The following FAM13A variants were observed in gnomAD, a reference collection of about 807,000 sequenced individuals.
The protein encoded by FAM13A is protein FAM13A.
FAM13A carries 76 observed loss-of-function variants against 129.6 expected under a neutral mutation model. The ratio of observed to expected loss-of-function variants is 0.59; its 90% CI spans 0.49 to 0.71. The LOEUF (loss-of-function observed/expected upper bound fraction) is 0.71. Ranked by LOEUF, FAM13A falls within the 30% of genes least tolerant of loss-of-function variation. The pLI is 0.00. For synonymous variants in FAM13A, 443 were observed against 449.9 expected (o/e 0.98, Z 0.20); for missense variants, 1,108 against 1,249.3 (o/e 0.89, Z 1.70).
chr4:88,868,638 A>C (rs1195355123), intron 6 of FAM13A, among the ~76,000 whole-genome samples: 1 of 152,098 alleles, frequency 6.6e-6, no homozygotes, highest in East Asian at 1.9e-4. Context: ...CCGCAGGTTC[A>C]TTGCCTGCTG....
chr4:88,828,340 G>A (rs1227561926), intron 7 of FAM13A, among the ~76,000 whole-genome samples: 1 of 152,006 alleles, frequency 6.6e-6, no homozygotes, highest in Non-Finnish European at 1.5e-5. Flanking sequence ...TTCTTACTAT[G>A]TTGCCCAGGC....
At chr4:89,037,051 G>A (rs1474024869) in intron 1 of FAM13A, among the ~76,000 whole-genome samples, 1 of 152,204 alleles carries the variant, frequency 6.6e-6, no homozygotes, top group East Asian at 1.9e-4. Flanking sequence ...TGAGATTGGA[G>A]CCCCCATACA....
intron 6 of FAM13A, among the ~76,000 whole-genome samples, chr4:88,876,623 G>A (rs927209521): frequency 9.2e-5 from 14 of 151,362 alleles, no homozygotes; most frequent in Admixed American, 1.3e-4. Flanking sequence ...ACAGAGTCTC[G>A]CTCTGTCGCC....
intron 3 of FAM13A, 42 bp downstream of exon 3, chr4:89,020,418 A>G: frequency 6.9e-7 from 1 of 1,455,236 alleles, no homozygotes; most frequent in Non-Finnish European, 9.6e-7. Flanking sequence ...TGCCCAGCCT[A>G]GTAAAGTTGT....
At chr4:88,797,647 G>A (rs920471071) in intron 8 of FAM13A, among the ~76,000 whole-genome samples, 5 of 152,122 alleles carry the variant, frequency 3.3e-5, no homozygotes, top group Non-Finnish European at 7.4e-5. Context: ...GTATTTGACT[G>A]ATTTTTAATC....
Position 88,844,124 on chromosome 4 carries a change from G to A in FAM13A, c.1007+6896C>T, listed in dbSNP as rs146243308. ...GTAACAATATCACAATAGCAACTACGGCAGCAGCAACTGAGTACATGCCCC... is the reference window on the plus strand; with the variant it reads ...GTAACAATATCACAATAGCAACTACAGCAGCAGCAACTGAGTACATGCCCC... On this transcript the variant is annotated intron_variant, in intron 7 of 23. Transcript: ENST00000264344. 9.2e-5 allele frequency among the ~76,000 whole-genome samples: 14 copies of A among 152,248 alleles called. No homozygotes were observed. In the East Asian group the frequency reaches 2.7e-3, roughly 29 times the overall value.
chr4:89,007,839 T>C (rs1439738324), intron 3 of FAM13A, among the ~76,000 whole-genome samples: 3 of 152,228 alleles, frequency 2.0e-5, no homozygotes, highest in Non-Finnish European at 4.4e-5. Context: ...GAGCTGGTGC[T>C]AAGATTAAAA....
intron 5 of FAM13A, among the ~76,000 whole-genome samples, chr4:88,909,498 T>A (rs547873974): frequency 7.9e-5 from 12 of 152,046 alleles, no homozygotes; most frequent in Middle Eastern, 3.4e-3. Flanking sequence ...TTTTTATTTT[T>A]TTTTTTTGAG....
intron 15 of FAM13A, 49 bp downstream of exon 15, chr4:88,750,375 A>C (rs761365939): frequency 1.4e-6 from 2 of 1,437,408 alleles, no homozygotes; most frequent in Non-Finnish European, 2.0e-6. Context: ...CTCTTTTCTG[A>C]TGTTGTGGGG....
At chr4:88,798,869 T>C (rs1003321397) in intron 8 of FAM13A, among the ~76,000 whole-genome samples, 1 of 151,818 alleles carries the variant, frequency 6.6e-6, no homozygotes, top group Non-Finnish European at 1.5e-5. Flanking sequence ...AACTGAGGAA[T>C]GAAGTAACAA....
intron 2 of FAM13A, among the ~76,000 whole-genome samples, chr4:89,022,761 T>C (rs1767440913): frequency 6.6e-6 from 1 of 152,054 alleles, no homozygotes; most frequent in South Asian, 2.1e-4. Flanking sequence ...TCTCTCTCTC[T>C]CCCCCTCTCT....
intron 3 of FAM13A, among the ~76,000 whole-genome samples, chr4:89,016,922 C>T (rs958441314): frequency 6.6e-6 from 1 of 152,202 alleles, no homozygotes; most frequent in Non-Finnish European, 1.5e-5. Flanking sequence ...GCATAAGCCA[C>T]AGGCCAGGCC....
chr4:88,934,133 C>T (rs929141717), intron 5 of FAM13A, among the ~76,000 whole-genome samples: 2 of 152,148 alleles, frequency 1.3e-5, no homozygotes, highest in African/African-American at 2.4e-5. Flanking sequence ...CAAGTCTCTA[C>T]TCAAACGTTT....
chr4:88,823,378 C>A (rs944386181), intron 7 of FAM13A: 21 of 975,160 alleles, frequency 2.2e-5, no homozygotes, highest in Non-Finnish European at 3.7e-6. Flanking sequence ...TCCTCCTCCT[C>A]TTCCTCCTCC....
At chr4:89,028,766 G>C (rs1231787084) in intron 2 of FAM13A, among the ~76,000 whole-genome samples, 2 of 110,180 alleles carry the variant, frequency 1.8e-5, no homozygotes, top group Non-Finnish European at 3.7e-5. Flanking sequence ...AAAACTTAAA[G>C]TACATAAAAA....
intron 3 of FAM13A, among the ~76,000 whole-genome samples, chr4:89,000,021 G>A (rs1764040834): frequency 6.6e-6 from 1 of 152,158 alleles, no homozygotes; most frequent in South Asian, 2.1e-4. Context: ...AGAACTTACT[G>A]AGGATTTCAC....
rs116143705 is a variant in FAM13A at position 88,772,420 on chromosome 4, G to A, written c.1459-4361C>T. On this transcript the variant is annotated intron_variant, in intron 11 of 23. Transcript: ENST00000264344. Reference sequence around the variant, plus strand: ...AAACCCATGCTACACTTTTTCCACCGTAATAAAGTAGCTAGATGTCCAGCA... The same window carrying A: ...AAACCCATGCTACACTTTTTCCACCATAATAAAGTAGCTAGATGTCCAGCA... Among the ~76,000 whole-genome samples the A allele has an allele frequency of 4.1e-3, 618 of 152,188 alleles. 9 individuals are homozygous for A. Among genetic ancestry groups the A allele is most frequent in the African/African-American group, 0.014 (576 of 41,540 alleles).
rs569267035 is a variant in FAM13A at position 89,050,786 on chromosome 4, G to T, written c.27+6152C>A. Reference sequence around the variant, plus strand: ...CTACTAAAAATACAAAAATCAGCTGGGTGTGGTGGTGGGTGCCTGTAATCC... The same window carrying T: ...CTACTAAAAATACAAAAATCAGCTGTGTGTGGTGGTGGGTGCCTGTAATCC... On this transcript the variant is annotated intron_variant, in intron 1 of 23. Transcript: ENST00000264344. Among the ~76,000 whole-genome samples, 29 of 151,978 alleles carry T rather than the reference G, an allele frequency of 1.9e-4. No individual in the cohort carries two copies. In the South Asian group the frequency reaches 4.6e-3, roughly 24 times the overall value.
At chr4:88,826,146 G>A (rs572149630) in intron 7 of FAM13A, among the ~76,000 whole-genome samples, 8 of 151,806 alleles carry the variant, frequency 5.3e-5, no homozygotes, top group African/African-American at 1.9e-4. Context: ...CATTTCCCTG[G>A]CTACATTTCC....
Sources: allele counts gnomAD v4.1 joint callset (sites outside exome capture counted in the v4.1 genomes callset), GRCh38; gene constraint gnomAD v4.1.1; transcripts MANE v1.5; gene names NCBI Gene and HGNC (gene_info 2026-07-23, HGNC 2026-07-21).